The following MYO1D variants were observed in gnomAD, a reference collection of about 807,000 sequenced individuals.
The protein encoded by MYO1D is unconventional myosin-Id.
In MYO1D, 83 loss-of-function variants were observed where a neutral mutation model predicts 122.0. That is an observed-to-expected ratio of 0.68 (90% CI 0.57 to 0.82). The LOEUF is 0.82. Among genes scored for constraint, MYO1D ranks in the 40% least tolerant of loss-of-function variants. The probability of loss-of-function intolerance (pLI) is 0.00; values close to 1 mark genes in which losing one functional copy is unlikely to be tolerated. For missense variants in MYO1D, 1,157 were observed against 1,269.5 expected, an observed-to-expected ratio of 0.91 and a Z score of 1.35; for synonymous variants, 464 against 446.9, an observed-to-expected ratio of 1.04 and a Z score of -0.48.
Position 32,875,969 on chromosome 17 carries a change from T to G in MYO1D, c.95+809A>C, listed in dbSNP as rs73285648. ...GGTGAAATAATCGCATGTAAAGGGC[T>G]TTCTAAAACAAATCCACATCTTGGA... is the stretch of plus-strand genomic sequence containing the variant. On this transcript the variant is annotated intron_variant, in intron 1 of 21. Transcript: ENST00000318217. Among the ~76,000 whole-genome samples the G allele has an allele frequency of 5.8e-3, 886 of 152,348 alleles. 11 individuals are homozygous for G. Among genetic ancestry groups the G allele is most frequent in the African/African-American group, 0.019 (798 of 41,570 alleles).
intron 21 of MYO1D, among the ~76,000 whole-genome samples, chr17:32,548,360 G>A (rs1264643015): frequency 6.6e-6 from 1 of 151,412 alleles, no homozygotes; most frequent in Non-Finnish European, 1.5e-5. Context: ...CCGAGGAGAA[G>A]GAGGTTGCAA....
chr17:32,861,467 CAG>C (rs2091076655), intron 1 of MYO1D, among the ~76,000 whole-genome samples: 1 of 152,146 alleles, frequency 6.6e-6, no homozygotes, highest in Non-Finnish European at 1.5e-5. Flanking sequence ...TCTCCCAGAC[CAG>C]AGAGATTATA....
At chr17:32,858,584 A>G (rs1032320422) in intron 1 of MYO1D, among the ~76,000 whole-genome samples, 1 of 152,206 alleles carries the variant, frequency 6.6e-6, no homozygotes, top group Non-Finnish European at 1.5e-5. Context: ...AGAGGAAGTA[A>G]TGCTGTGTTT....
intron 20 of MYO1D, among the ~76,000 whole-genome samples, chr17:32,628,332 G>A (rs1320281764): frequency 6.6e-6 from 1 of 152,092 alleles, no homozygotes; most frequent in African/African-American, 2.4e-5. Context: ...ACATAGAAAG[G>A]GGTCACCCGT....
intron 5 of MYO1D, 135 bp downstream of exon 5, chr17:32,772,654 G>GTGCGTGCA: frequency 2.8e-6 from 2 of 726,510 alleles, no homozygotes; most frequent in East Asian, 2.6e-5. Context: ...GCGTGCGTGC[G>GTGCGTGCA]TGCGTGCATG....
chr17:32,760,453 C>A, intron 9 of MYO1D, 29 bp downstream of exon 9: 1 of 1,605,684 alleles, frequency 6.2e-7, no homozygotes, highest in East Asian at 2.2e-5. Flanking sequence ...AAACAGGCAA[C>A]AAGGTTTTAA....
At chr17:32,597,024 A>G (rs1363191470) in intron 21 of MYO1D, among the ~76,000 whole-genome samples, 5 of 152,264 alleles carry the variant, frequency 3.3e-5, no homozygotes, top group African/African-American at 1.2e-4. Context: ...TGTGATATAT[A>G]CAACAAGACC....
At chr17:32,840,100 T>C (rs2090865716) in intron 1 of MYO1D, among the ~76,000 whole-genome samples, 3 of 152,198 alleles carry the variant, frequency 2.0e-5, no homozygotes, top group Non-Finnish European at 4.4e-5. Context: ...GCACTAGGGC[T>C]ATAAAGATGA....
intron 16 of MYO1D, among the ~76,000 whole-genome samples, chr17:32,706,947 C>T (rs752083829): frequency 2.9e-4 from 44 of 152,184 alleles, no homozygotes; most frequent in African/African-American, 9.6e-4. Context: ...CCACCCGCCT[C>T]GGCCCCCCAA....
chr17:32,864,007 C>CTTTTCTTTT (rs2091100932), intron 1 of MYO1D, among the ~76,000 whole-genome samples: 7 of 48,978 alleles, frequency 1.4e-4, no homozygotes, highest in African/African-American at 6.2e-4. Flanking sequence ...ACATTTCTTC[C>CTTTTCTTTT]TTTTTTTTTT....
chr17:32,765,177 C>T, intron 7 of MYO1D, 96 bp from the exon 8 acceptor site: 1 of 984,536 alleles, frequency 1.0e-6, no homozygotes, highest in Admixed American at 2.1e-5. Context: ...TTGTTTGTAC[C>T]TATTTTCCTA....
At chr17:32,538,081 T>C (rs1042335124) in intron 21 of MYO1D, among the ~76,000 whole-genome samples, 1 of 152,220 alleles carries the variant, frequency 6.6e-6, no homozygotes, top group Admixed American at 6.5e-5. Context: ...CTCTTCATGA[T>C]ACTGTAGAAG....
chr17:32,852,429 A>C (rs1717343821), intron 1 of MYO1D, among the ~76,000 whole-genome samples: 1 of 152,166 alleles, frequency 6.6e-6, no homozygotes, highest in Admixed American at 6.5e-5. Context: ...CCTGGCCAAA[A>C]TGTAAAGTTT....
chr17:32,642,332 A>G (rs1013337863), intron 19 of MYO1D, among the ~76,000 whole-genome samples: 1 of 152,186 alleles, frequency 6.6e-6, no homozygotes, highest in Non-Finnish European at 1.5e-5. Context: ...TGGTTACTGT[A>G]GCCTTGTAGT....
chr17:32,768,304 T>C lies in MYO1D; in HGVS notation c.715-552A>G, dbSNP rs752449566. ...AAATAGTCTGGGACTATAACTTCATTCTTTCACTCACTTGATACGCATTTC... is the reference window on the plus strand; with the variant it reads ...AAATAGTCTGGGACTATAACTTCATCCTTTCACTCACTTGATACGCATTTC... On this transcript the variant is annotated intron_variant, in intron 6 of 21. Transcript: ENST00000318217. Among the ~76,000 whole-genome samples, 9 of 152,342 alleles carry C rather than the reference T, an allele frequency of 5.9e-5. 2 individuals are homozygous for C. In the East Asian group the frequency reaches 1.7e-3, roughly 29 times the overall value.
At chr17:32,717,058 A>C (rs2089456672) in intron 15 of MYO1D, among the ~76,000 whole-genome samples, 3 of 152,228 alleles carry the variant, frequency 2.0e-5, no homozygotes, top group Admixed American at 1.3e-4. Flanking sequence ...TAAAAGCAAA[A>C]ATTCACTGTA....
At chr17:32,518,154 A>G (rs1315911664) in intron 21 of MYO1D, among the ~76,000 whole-genome samples, 2 of 152,062 alleles carry the variant, frequency 1.3e-5, no homozygotes, top group Non-Finnish European at 2.9e-5. Context: ...CACCTGGTCC[A>G]CCACTCCGCC....
chr17:32,692,966 A>G (rs2089123240), intron 16 of MYO1D, among the ~76,000 whole-genome samples: 2 of 152,248 alleles, frequency 1.3e-5, no homozygotes, highest in South Asian at 4.1e-4. Context: ...ATAATTGCTC[A>G]GCAGTAATTC....
intron 21 of MYO1D, among the ~76,000 whole-genome samples, chr17:32,553,085 A>AC (rs1194477725): frequency 1.5e-5 from 2 of 134,194 alleles, no homozygotes; most frequent in Admixed American, 7.4e-5. Flanking sequence ...GACAAAAAAA[A>AC]AAAAACAAAA....
Sources: allele counts gnomAD v4.1 joint callset (sites outside exome capture counted in the v4.1 genomes callset), GRCh38; gene constraint gnomAD v4.1.1; transcripts MANE v1.5; gene names NCBI Gene and HGNC (gene_info 2026-07-23, HGNC 2026-07-21).